The following NHS variants were observed in gnomAD, a reference collection of about 807,000 sequenced individuals.
The protein encoded by NHS is actin remodeling regulator NHS.
In NHS, 5 loss-of-function variants were observed where a neutral mutation model predicts 72.5. The observed-to-expected ratio is 0.07, with a 90% CI of 0.04 to 0.14. The LOEUF (loss-of-function observed/expected upper bound fraction) is 0.14. NHS is among the 10% of genes least tolerant of loss of function. The pLI, the probability that NHS is intolerant of heterozygous loss-of-function variation, is 1.00. For synonymous variants in NHS, 464 were observed against 547.7 expected, an observed-to-expected ratio of 0.85 and a Z score of 2.13; for missense variants, 1,072 against 1,355.7, an observed-to-expected ratio of 0.79 and a Z score of 3.29.
At chrX:17,386,380 G>C (rs962348381) in intron 1 of NHS, among the ~76,000 whole-genome samples, 1 of 111,287 alleles carries the variant, frequency 9.0e-6, no homozygotes, top group African/African-American at 3.3e-5. Flanking sequence ...AATGTCCCAG[G>C]CCAGGCGTAG....
intron 8 of NHS, among the ~76,000 whole-genome samples, chrX:17,729,011 G>A (rs1351162274): frequency 8.9e-6 from 1 of 112,391 alleles, no homozygotes; most frequent in Admixed American, 9.4e-5. Flanking sequence ...ACTTTTGTAA[G>A]AGTGGCTTTA....
chrX:17,383,239 A>T (rs2064387422), intron 1 of NHS, among the ~76,000 whole-genome samples: 1 of 111,921 alleles, frequency 8.9e-6, no homozygotes, highest in Admixed American at 9.5e-5. Context: ...AACTGCAACC[A>T]AGACAATCTA....
chrX:17,637,328 C>T (rs2065855534), intron 1 of NHS, among the ~76,000 whole-genome samples: 1 of 111,937 alleles, frequency 8.9e-6, no homozygotes, highest in Non-Finnish European at 1.9e-5. Flanking sequence ...TAGCTCGACC[C>T]AGTTTTCCCT....
intron 1 of NHS, among the ~76,000 whole-genome samples, chrX:17,571,582 G>C (rs746363082): frequency 1.8e-5 from 2 of 111,345 alleles, no homozygotes; most frequent in Non-Finnish European, 3.8e-5. Flanking sequence ...TCTTGCTAGT[G>C]GTCTATCTGT....
rs1330445023 is a variant in NHS, at chrX:17,727,419, C to T, written c.3313C>T (p.Arg1105Cys). 2.5e-6 allele frequency: 3 copies of T among 1,209,675 alleles called. No individual in the cohort carries two copies. The highest frequency in any genetic ancestry group is 3.4e-6 in the Non-Finnish European group (3 of 894,981). Residue 1105 changes from arginine (R) to cysteine (C), a missense_variant, in exon 7 of 9, where the codon CGT becomes TGT. Arg to Cys is a radical substitution (Grantham distance 180, BLOSUM62 -3). Coordinates refer to ENST00000676302, the MANE Select transcript of NHS (RefSeq NM_001291867.2). Reference protein sequence around the residue: ...HNVLNKPFHHRHPLHVFTHNK... With the variant: ...HNVLNKPFHHCHPLHVFTHNK... ...TGTCTTGAACAAACCATTCCACCACCGTCATCCACTGCATGTTTTTACTCA... is the reference window on the plus strand; with the variant it reads ...TGTCTTGAACAAACCATTCCACCACTGTCATCCACTGCATGTTTTTACTCA...
Position 17,732,366 on chromosome X carries a change from C to T in NHS, c.4858C>T (p.Arg1620Trp), listed in dbSNP as rs775479042. 35 of 1,211,366 alleles carry T rather than the reference C, an allele frequency of 2.9e-5. No individual in the cohort carries two copies. The East Asian group carries it at 6.8e-4, about 24-fold the overall frequency. ...CAGCAGCCGCTACAGTGTCCGCTGC[C>T]GGCTGTACAATACGCCCATGCAGGC... ...ASSSRYSVRC[R>W]LYNTPMQAIS... The change falls in exon 9 of 9, where the codon CGG becomes TGG. Residue 1620 changes from arginine to tryptophan, a missense_variant. Arg to Trp is a moderately radical substitution (Grantham distance 101). Coordinates refer to ENST00000676302, the MANE Select transcript of NHS (RefSeq NM_001291867.2).
At chrX:17,435,099 G>T (rs555050735) in intron 1 of NHS, among the ~76,000 whole-genome samples, 1 of 112,009 alleles carries the variant, frequency 8.9e-6, no homozygotes, top group African/African-American at 3.2e-5. Context: ...AGTGGTTTTC[G>T]GCCTTGACTG....
chrX:17,696,683 G>C (rs1329013264), intron 3 of NHS, among the ~76,000 whole-genome samples: 1 of 111,674 alleles, frequency 9.0e-6, no homozygotes, highest in Non-Finnish European at 1.9e-5. Context: ...GAATACATAG[G>C]TTTTTTGGTG....
intron 1 of NHS, among the ~76,000 whole-genome samples, chrX:17,553,681 C>T (rs1336370755): frequency 8.9e-6 from 1 of 111,861 alleles, no homozygotes; most frequent in African/African-American, 3.3e-5. Flanking sequence ...CCCAGACCTT[C>T]CCGTTCTGCC....
chrX:17,625,976 AAGT>A (rs1318853281), intron 1 of NHS, among the ~76,000 whole-genome samples: 1 of 112,228 alleles, frequency 8.9e-6, no homozygotes, highest in East Asian at 2.8e-4. Flanking sequence ...AAATTTGAAA[AAGT>A]AGATTCACAA....
chrX:17,412,037 A>G (rs2064562161), intron 1 of NHS, among the ~76,000 whole-genome samples: 1 of 110,951 alleles, frequency 9.0e-6, no homozygotes, highest in African/African-American at 3.3e-5. Context: ...GCAGTGACAT[A>G]GAATGAAGTG....
At chrX:17,606,171 G>A (rs1381627649) in intron 1 of NHS, among the ~76,000 whole-genome samples, 6 of 111,928 alleles carry the variant, frequency 5.4e-5, no homozygotes, top group Non-Finnish European at 1.1e-4. Context: ...TTGCACCTGA[G>A]CTGCCACTTG....
chrX:17,530,863 C>T (rs1013799067), intron 1 of NHS, among the ~76,000 whole-genome samples: 1 of 111,161 alleles, frequency 9.0e-6, no homozygotes, highest in Non-Finnish European at 1.9e-5. Context: ...ACTGCAGCCT[C>T]AAATTCCTAG....
intron 1 of NHS, among the ~76,000 whole-genome samples, chrX:17,682,257 T>C (rs1407734892): frequency 8.9e-6 from 1 of 112,059 alleles, no homozygotes; most frequent in Non-Finnish European, 1.9e-5. Context: ...TTTCCCATTT[T>C]GCCTACCAAG....
At chrX:17,490,033 C>T (rs146122713) in intron 1 of NHS, among the ~76,000 whole-genome samples, 1 of 111,635 alleles carries the variant, frequency 9.0e-6, no homozygotes, top group Admixed American at 9.5e-5. Flanking sequence ...AGCCCTTTGT[C>T]AGATCAATAG....
chrX:17,704,846 A>C (rs1276197265), intron 3 of NHS, among the ~76,000 whole-genome samples: 1 of 112,084 alleles, frequency 8.9e-6, no homozygotes, highest in Non-Finnish European at 1.9e-5. Context: ...CGTGGAACAG[A>C]GGGAATTTGG....
Position 17,723,773 on chromosome X carries a change from G to GCGCGCA in NHS, c.1109-521_1109-520insACGCGC, listed in dbSNP as rs1556037809. ...TGTGTGTGTGTGTGTGTGTGTGTGC[G>GCGCGCA]CGCGCGTGCGCGCATGGGGAATGCA... On this transcript the variant is annotated intron_variant, in intron 5 of 8. Coordinates refer to ENST00000676302, the MANE Select transcript of NHS (RefSeq NM_001291867.2). Among the ~76,000 whole-genome samples, 241 of 105,146 alleles carry GCGCGCA rather than the reference G, an allele frequency of 2.3e-3. 1 individual carries two copies. The highest frequency in any genetic ancestry group is 8.6e-3 in the African/African-American group (234 of 27,366). 91.3% of individuals were successfully genotyped at this position (105,146 alleles called of 115,157 possible).
At chrX:17,663,165 C>T (rs2065991511) in intron 1 of NHS, among the ~76,000 whole-genome samples, 1 of 111,366 alleles carries the variant, frequency 9.0e-6, no homozygotes, top group South Asian at 3.8e-4. Flanking sequence ...TAAATAATGA[C>T]ACAACACAGT....
chrX:17,639,601 A>T (rs1452907464), intron 1 of NHS, among the ~76,000 whole-genome samples: 1 of 111,621 alleles, frequency 9.0e-6, no homozygotes, highest in Non-Finnish European at 1.9e-5. Context: ...CATTTAATCC[A>T]TTAACCCATT....
Sources: gnomAD v4.1 joint callset for allele counts (sites outside exome capture counted in the v4.1 genomes callset) on GRCh38, gnomAD v4.1.1 for gene constraint, MANE v1.5 for transcripts, NCBI Gene and HGNC (gene_info 2026-07-23, HGNC 2026-07-21) for gene names.